Variants in DISC1 observed in about 807,000 individuals in gnomAD.
DISC1 encodes DISC1 scaffold protein, also known as disrupted in schizophrenia 1 protein.
DISC1 carries 57 observed loss-of-function variants against 84.5 expected under a neutral mutation model. The observed-to-expected ratio is 0.67, with a 90% CI of 0.55 to 0.84. The LOEUF is 0.84. Among genes scored for constraint, DISC1 ranks in the 40% least tolerant of loss-of-function variants. The pLI is 0.00. For synonymous variants in DISC1, 411 were observed against 415.2 expected, an observed-to-expected ratio of 0.99 and a Z score of 0.12; for missense variants, 1,000 against 1,057.8, an observed-to-expected ratio of 0.95 and a Z score of 0.76.
intron 9 of DISC1, among the ~76,000 whole-genome samples, chr1:231,828,996 T>C (rs747237412): frequency 3.5e-4 from 54 of 152,268 alleles, no homozygotes; most frequent in Non-Finnish European, 2.1e-4. Flanking sequence ...CACTTCTGTG[T>C]CCCTGGTTGC....
chr1:231,745,445 C>T (rs898565965), intron 3 of DISC1: 1 of 201,366 alleles, frequency 5.0e-6, no homozygotes, highest in Non-Finnish European at 1.1e-5. Context: ...TGGTCTTGAA[C>T]TCCTGACCTC....
chr1:231,813,330 C>T (rs1414967657), intron 8 of DISC1: 1 of 152,160 alleles, frequency 6.6e-6, no homozygotes, highest in African/African-American at 2.4e-5. Flanking sequence ...AAACACAGCC[C>T]AGAAGACATG....
chr1:231,754,682 A>G (rs2074947509), intron 4 of DISC1, among the ~76,000 whole-genome samples: 1 of 152,202 alleles, frequency 6.6e-6, no homozygotes, highest in Non-Finnish European at 1.5e-5. Flanking sequence ...TTTTGATAGA[A>G]TATGATTAAC....
intron 6 of DISC1, among the ~76,000 whole-genome samples, chr1:231,781,177 G>T (rs1055141744): frequency 1.7e-4 from 15 of 89,320 alleles, no homozygotes; most frequent in African/African-American, 6.5e-4. Flanking sequence ...AAAAAAAAAA[G>T]AAATGCAGCC....
intron 9 of DISC1, among the ~76,000 whole-genome samples, chr1:231,876,505 CAT>C (rs577061738): frequency 1.7e-3 from 259 of 152,316 alleles, no homozygotes; most frequent in Non-Finnish European, 3.0e-3. Context: ...CTTCCCATCT[CAT>C]ATGTCTTTTA....
chr1:231,790,051 A>G (rs2078209567), intron 6 of DISC1, among the ~76,000 whole-genome samples: 1 of 152,218 alleles, frequency 6.6e-6, no homozygotes. Flanking sequence ...CCTAAACTAT[A>G]GACAAGAATG....
chr1:231,797,316 A>G (rs981811632), intron 7 of DISC1, among the ~76,000 whole-genome samples: 4 of 152,286 alleles, frequency 2.6e-5, no homozygotes, highest in African/African-American at 9.6e-5. Context: ...GATTTTCCCA[A>G]ATATCAAAAA....
intron 7 of DISC1, among the ~76,000 whole-genome samples, chr1:231,797,004 C>T (rs1368089748): frequency 5.3e-5 from 8 of 152,126 alleles, no homozygotes; most frequent in South Asian, 2.1e-4. Flanking sequence ...CAAGAGCCAC[C>T]GCACCTGGCC....
intron 9 of DISC1, among the ~76,000 whole-genome samples, chr1:231,899,834 G>C (rs953737145): frequency 6.6e-6 from 1 of 152,124 alleles, no homozygotes; most frequent in African/African-American, 2.4e-5. Flanking sequence ...TGTCCACAGT[G>C]ATCAAATACA....
chr1:231,682,502 A>G (rs2063793175), intron 1 of DISC1, among the ~76,000 whole-genome samples: 2 of 152,142 alleles, frequency 1.3e-5, no homozygotes, highest in South Asian at 4.1e-4. Context: ...CCTTCCAGCA[A>G]TCCTAGGGGT....
intron 1 of DISC1, among the ~76,000 whole-genome samples, chr1:231,692,568 T>C (rs2065172827): frequency 6.6e-6 from 1 of 152,218 alleles, no homozygotes; most frequent in Admixed American, 6.5e-5. Flanking sequence ...CAAGCCCATG[T>C]CTGTTCTGGG....
intron 9 of DISC1, among the ~76,000 whole-genome samples, chr1:231,931,849 A>G (rs1052926398): frequency 1.8e-4 from 28 of 152,072 alleles, no homozygotes; most frequent in African/African-American, 6.0e-4. Flanking sequence ...ACAAGGTCTC[A>G]CTGTGTTGCC....
chr1:231,936,721 G>T (rs1488072701), intron 9 of DISC1, among the ~76,000 whole-genome samples: 1 of 152,156 alleles, frequency 6.6e-6, no homozygotes, highest in African/African-American at 2.4e-5. Context: ...TGTGTCTCTT[G>T]TCTCGTCTCT....
rs375391254 is a variant in DISC1, at chr1:231,828,054, A to G, written c.1981+9537A>G. Among the ~76,000 whole-genome samples, 21 of 152,238 alleles carry G rather than the reference A, an allele frequency of 1.4e-4. No homozygotes were observed. The South Asian group carries it at 3.7e-3, about 27-fold the overall frequency. On this transcript the variant is annotated intron_variant, in intron 9 of 12. Transcript: ENST00000439617. The stretch of plus-strand genomic sequence containing the variant: ...CACTTTGCTTTTTGGTTTAATTATA[A>G]CCAAATTTTATTTGCCAAAATGATG...
At chr1:231,958,803 T>C (rs1343155827) in intron 9 of DISC1, 25 bp from the exon 10 acceptor site, 2 of 1,610,288 alleles carry the variant, frequency 1.2e-6, no homozygotes, top group Non-Finnish European at 1.7e-6. Flanking sequence ...TTGCATTAAC[T>C]TTGGATTTCC....
intron 9 of DISC1, among the ~76,000 whole-genome samples, chr1:231,941,816 A>G (rs1262953107): frequency 1.3e-5 from 2 of 152,192 alleles, no homozygotes; most frequent in African/African-American, 4.8e-5. Flanking sequence ...AAAACAAAAA[A>G]TATATAATTG....
At chr1:231,906,950 T>G (rs1374475794) in intron 9 of DISC1, among the ~76,000 whole-genome samples, 1 of 152,136 alleles carries the variant, frequency 6.6e-6, no homozygotes, top group African/African-American at 2.4e-5. Flanking sequence ...TTTCTTTTTC[T>G]TTCTTTGCTT....
At chr1:231,915,168 A>G (rs1235102500) in intron 9 of DISC1, among the ~76,000 whole-genome samples, 2 of 152,182 alleles carry the variant, frequency 1.3e-5, no homozygotes, top group Non-Finnish European at 2.9e-5. Context: ...TTTGTTTAAA[A>G]TATACCTGAG....
chr1:231,769,051 T>A (rs2076366977), intron 5 of DISC1, among the ~76,000 whole-genome samples: 1 of 152,038 alleles, frequency 6.6e-6, no homozygotes, highest in African/African-American at 2.4e-5. Flanking sequence ...AAGTCAGAGA[T>A]AAAGGGGCCT....
Sources: gnomAD v4.1 joint callset for allele counts (sites outside exome capture counted in the v4.1 genomes callset) on GRCh38, gnomAD v4.1.1 for gene constraint, MANE v1.5 for transcripts, NCBI Gene and HGNC (gene_info 2026-07-23, HGNC 2026-07-21) for gene names.